The following TOMM20L variants were observed in gnomAD, a reference collection of about 807,000 sequenced individuals.
TOMM20L encodes translocase of outer mitochondrial membrane 20 like.
A neutral mutation model predicts 20.4 loss-of-function variants in TOMM20L; 19 were observed. The ratio of observed to expected loss-of-function variants is 0.93; its 90% CI spans 0.65 to 1.36. TOMM20L has a LOEUF of 1.36. Among genes scored for constraint, TOMM20L ranks in the 40% most tolerant of loss-of-function variants. TOMM20L has a pLI of 0.00. For synonymous variants in TOMM20L, 75 were observed against 79.6 expected (o/e 0.94, Z 0.30); for missense variants, 218 against 203.7 (o/e 1.07, Z -0.43).
At chr14:58,405,384 T>G (rs995222032) in intron 3 of TOMM20L, among the ~76,000 whole-genome samples, 1 of 152,254 alleles carries the variant, frequency 6.6e-6, no homozygotes, top group Admixed American at 6.5e-5. Flanking sequence ...ATAACGTATT[T>G]TATCATCACA....
the TOMM20L span, among the ~76,000 whole-genome samples, chr14:58,415,177 A>G: frequency 6.6e-6 from 1 of 152,164 alleles, no homozygotes; most frequent in Non-Finnish European, 1.5e-5. Flanking sequence ...ATGAATTTCT[A>G]CTTCCACCTG....
Position 58,396,412 on chromosome 14 carries a change from TGGCG to T in TOMM20L, c.180+75_180+78del. ...CGGGCTCGCTGGGTTGCTTGGCTCCTGGCGGGCTCGGCAGCAGGTAGTTAGTTCC... is the reference window on the plus strand; with the variant it reads ...CGGGCTCGCTGGGTTGCTTGGCTCCTGGCTCGGCAGCAGGTAGTTAGTTCC... On this transcript the variant is annotated intron_variant, in intron 2 of 4. Transcript: ENST00000360945. 3 of 1,567,914 alleles carry T rather than the reference TGGCG, an allele frequency of 1.9e-6. No homozygotes were observed. The South Asian group carries it at 3.4e-5, about 18-fold the overall frequency.
the TOMM20L span, among the ~76,000 whole-genome samples, chr14:58,415,380 A>T: frequency 3.5e-4 from 53 of 152,326 alleles, no homozygotes; most frequent in Non-Finnish European, 6.5e-4. Flanking sequence ...AAGACAACAG[A>T]TGCTCAACAT....
chr14:58,416,597 A>G, the TOMM20L span, among the ~76,000 whole-genome samples: 1 of 152,240 alleles, frequency 6.6e-6, no homozygotes, highest in Non-Finnish European at 1.5e-5. Context: ...CAAGGAGGAA[A>G]ACACAGTAAT....
At chr14:58,408,812 T>C (rs2036114885), downstream of TOMM20L, 3 of 696,774 alleles carry the variant, frequency 4.3e-6, no homozygotes, top group Non-Finnish European at 6.9e-6. Flanking sequence ...CCTCAACAAA[T>C]GTTGCATCTT....
In TOMM20L at chr14:58,408,563, T is replaced by G. The variant is rs138986140; in HGVS notation, c.440T>G (p.Leu147Trp). ...GCAGACATGAATGAACAGGACTGCTTGGAGGATGATCCTGATTGAAAAACA... is the reference window on the plus strand; with the variant it reads ...GCAGACATGAATGAACAGGACTGCTGGGAGGATGATCCTGATTGAAAAACA... The part of the protein sequence containing the change: ...FEADMNEQDC[L>W]EDDPD Residue 147 changes from leucine (L) to tryptophan (W), a missense_variant, in exon 5 of 5, where the codon TTG (leucine) becomes TGG (tryptophan). Physicochemically the swap from Leu to Trp is moderately conservative, Grantham distance 61. Coordinates refer to ENST00000360945, the MANE Select transcript of TOMM20L (RefSeq NM_207377.3). 5 of 1,613,956 alleles carry G rather than the reference T, an allele frequency of 3.1e-6. No homozygotes were observed. The African/African-American group carries it at 6.7e-5, about 22-fold the overall frequency.
chr14:58,395,964 T>TC lies in TOMM20L; in HGVS notation c.9dup (p.Val4ArgfsTer52). On this transcript the variant is annotated frameshift_variant, in exon 1 of 5. Transcript: ENST00000360945. LOFTEE classifies it high-confidence loss of function. ...GTGGGACGCCCGCGGTCGGATGCCC[T>TC]CCGTCCGCTCCCTCCTCCGCCTCTT... 6.9e-7 allele frequency: 1 copy of TC among 1,438,854 alleles called. No individual in the cohort carries two copies. The highest frequency in any genetic ancestry group is 1.5e-5 in the South Asian group (1 of 64,928). 89.1% of individuals were successfully genotyped at this position (1,438,854 alleles called of 1,614,324 possible). A position where few individuals can be genotyped will look rare whatever the true frequency, so the allele number is the denominator to read the frequency against.
chr14:58,396,208 G>A (rs997881972), intron 1 of TOMM20L, 90 bp from the exon 2 acceptor site: 1 of 1,564,656 alleles, frequency 6.4e-7, no homozygotes, highest in Non-Finnish European at 8.7e-7. Flanking sequence ...CTGCCGAGGG[G>A]CCCGCGGCGC....
downstream of TOMM20L, among the ~76,000 whole-genome samples, chr14:58,413,046 C>G (rs1474103186): frequency 1.3e-5 from 2 of 152,102 alleles, no homozygotes; most frequent in Non-Finnish European, 2.9e-5. Context: ...TCGAATACAT[C>G]AAAAATATCA....
Position 58,407,330 on chromosome 14 carries a change from G to A in TOMM20L, c.267G>A (p.Glu89=). Residue 89 remains glutamate (E), a synonymous_variant, in exon 4 of 5, where the codon GAG becomes GAA. Transcript: ENST00000360945. ...RMGELWLSRG[E]HRMGIQHLGN... Reference sequence around the variant, plus strand: ...AAACTTGTCATTCTGTTTCAGGAGAGCACAGAATGGGGATTCAACACCTCG... The same window carrying A: ...AAACTTGTCATTCTGTTTCAGGAGAACACAGAATGGGGATTCAACACCTCG... The A allele has an allele frequency of 1.9e-6, 3 of 1,602,722 alleles. No individual in the cohort carries two copies. Among genetic ancestry groups the A allele is most frequent in the Non-Finnish European group, 2.5e-6 (3 of 1,176,620 alleles).
chr14:58,402,637 T>C lies in TOMM20L; in HGVS notation c.181-43T>C, dbSNP rs761576838. On this transcript the variant is annotated intron_variant, in intron 2 of 4. Coordinates refer to ENST00000360945, the MANE Select transcript of TOMM20L (RefSeq NM_207377.3). ...ATAATTTGATCAGTAGCCATATACCTTACCTTCATTACTCATTGTTGAATA... is the reference window on the plus strand; with the variant it reads ...ATAATTTGATCAGTAGCCATATACCCTACCTTCATTACTCATTGTTGAATA... 48 of 1,473,858 alleles carry C rather than the reference T, an allele frequency of 3.3e-5. No individual in the cohort carries two copies. The East Asian group carries it at 1.0e-3, about 31-fold the overall frequency. 91.3% of individuals were successfully genotyped at this position (1,473,858 alleles called of 1,614,324 possible).
intron 2 of TOMM20L, among the ~76,000 whole-genome samples, chr14:58,400,737 G>T (rs938782739): frequency 3.9e-5 from 6 of 151,998 alleles, no homozygotes; most frequent in African/African-American, 1.2e-4. Context: ...AATTGGCTGG[G>T]CATAGTGGCG....
chr14:58,408,082 A>C (rs2036090527), intron 4 of TOMM20L, among the ~76,000 whole-genome samples: 2 of 152,198 alleles, frequency 1.3e-5, no homozygotes, highest in Non-Finnish European at 2.9e-5. Context: ...TTCCCAAACT[A>C]GGGCAGATGG....
chr14:58,414,008 GAAAAAAAAAAAAA>G, the TOMM20L span, among the ~76,000 whole-genome samples: 12 of 24,182 alleles, frequency 5.0e-4, no homozygotes, highest in South Asian at 8.2e-3. Context: ...TTCCGTCTCA[GAAAAAAAAAAAAA>G]AAAAAAAAAA....
At chr14:58,408,142 C>T (rs1251871244) in intron 4 of TOMM20L, among the ~76,000 whole-genome samples, 7 of 152,136 alleles carry the variant, frequency 4.6e-5, no homozygotes, top group African/African-American at 4.8e-5. Context: ...TGTGGCCAGG[C>T]GCGGTGGCTC....
At chr14:58,396,393 C>T (rs763734486) in intron 2 of TOMM20L, 52 bp downstream of exon 2, 16 of 1,603,994 alleles carry the variant, frequency 1.0e-5, no homozygotes, top group African/African-American at 4.0e-5. Flanking sequence ...GGTCCGGGCT[C>T]GCTGGGTTGC....
chr14:58,411,688 G>A (rs1457912110), downstream of TOMM20L, among the ~76,000 whole-genome samples: 2 of 151,658 alleles, frequency 1.3e-5, no homozygotes, highest in African/African-American at 4.8e-5. Context: ...AGAGGTGTGC[G>A]CCAGCACGCC....
At chr14:58,396,196 C>T in intron 1 of TOMM20L, 102 bp from the exon 2 acceptor site, 4 of 1,526,830 alleles carry the variant, frequency 2.6e-6, no homozygotes, top group Non-Finnish European at 3.5e-6. Context: ...GTGCCTCAGC[C>T]TCTGCCGAGG....
intron 3 of TOMM20L, among the ~76,000 whole-genome samples, chr14:58,404,501 G>T (rs1280674368): frequency 2.0e-5 from 3 of 149,154 alleles, no homozygotes; most frequent in Non-Finnish European, 4.5e-5. Context: ...TTCTGTTGTT[G>T]TTTTTTTTCA....
Sources: allele counts gnomAD v4.1 joint callset (sites outside exome capture counted in the v4.1 genomes callset), GRCh38; gene constraint gnomAD v4.1.1; transcripts MANE v1.5; gene names NCBI Gene and HGNC (gene_info 2026-07-23, HGNC 2026-07-21).